Variants in TMEM154 observed in about 807,000 individuals in gnomAD.
TMEM154 encodes the protein transmembrane protein 154.
Under a neutral mutation model 24.5 loss-of-function variants are expected in TMEM154, and 27 were observed. The ratio of observed to expected loss-of-function variants is 1.10; its 90% CI spans 0.81 to 1.52. The LOEUF is 1.52. TMEM154 is among the 40% of genes most tolerant of loss of function. TMEM154 has a pLI of 0.00. For missense variants in TMEM154, 228 were observed against 213.4 expected (o/e 1.07, Z -0.43); for synonymous variants, 67 against 76.8 (o/e 0.87, Z 0.67).
chr4:152,656,664 G>A (rs143295340), intron 1 of TMEM154, among the ~76,000 whole-genome samples: 278 of 152,292 alleles, frequency 1.8e-3, no homozygotes, highest in African/African-American at 6.5e-3. Context: ...GCTCATGCCT[G>A]TAATCCCAGC....
intron 6 of TMEM154, among the ~76,000 whole-genome samples, chr4:152,634,031 C>CAAAAAAAAAA (rs1167923301): frequency 2.9e-4 from 6 of 20,402 alleles, no homozygotes; most frequent in East Asian, 1.7e-3. Flanking sequence ...GACCCCATCT[C>CAAAAAAAAAA]AAAAAAAAAA....
chr4:152,630,395 A>T (rs1379716510), intron 6 of TMEM154, among the ~76,000 whole-genome samples: 1 of 152,042 alleles, frequency 6.6e-6, no homozygotes, highest in East Asian at 1.9e-4. Context: ...GTTTCATCTG[A>T]AGAGTAGATA....
At chr4:152,674,549 C>T (rs1412463442) in intron 1 of TMEM154, among the ~76,000 whole-genome samples, 1 of 152,170 alleles carries the variant, frequency 6.6e-6, no homozygotes, top group Non-Finnish European at 1.5e-5. Flanking sequence ...CAGCTTACCC[C>T]CTCATGGAGG....
At chr4:152,635,844 A>G (rs1387838317) in intron 6 of TMEM154, among the ~76,000 whole-genome samples, 1 of 152,212 alleles carries the variant, frequency 6.6e-6, no homozygotes, top group Non-Finnish European at 1.5e-5. Context: ...TTATAAATCC[A>G]CTTGAGCAGA....
At position 152,621,995 on chromosome 4, in the gene TMEM154, T is replaced by A. The variant is rs144833549; in HGVS notation, c.*6551A>T. On this transcript the variant is annotated 3_prime_UTR_variant, in exon 7 of 7. Coordinates refer to ENST00000304385, the MANE Select transcript of TMEM154 (RefSeq NM_152680.3). ...ACCATGCCTGGCTAATTTTTGTATTTTTAGTAGAGACAGGGTTTCACCATA... is the reference window on the plus strand; with the variant it reads ...ACCATGCCTGGCTAATTTTTGTATTATTAGTAGAGACAGGGTTTCACCATA... The A allele has an allele frequency of 6.6e-6, 1 of 152,264 alleles. No individual in the cohort carries two copies. The highest frequency in any genetic ancestry group is 1.9e-4 in the East Asian group (1 of 5,180). The allele number at this position is 152,264 out of a possible 1,614,324, so 9.4% of individuals were successfully genotyped here.
intron 6 of TMEM154, among the ~76,000 whole-genome samples, chr4:152,632,454 C>A (rs549020356): frequency 3.4e-4 from 52 of 152,268 alleles, no homozygotes; most frequent in African/African-American, 1.2e-3. Flanking sequence ...TCACTTTTTC[C>A]TTCTTTTAGA....
In TMEM154 at chr4:152,627,084, A is replaced by G. The variant is rs1751934493; in HGVS notation, c.*1462T>C. ...AGTGGTTAAACACAACCAGCTAGTT[A>G]TAGCTTTCATTGTATGGAAAGACCT... On this transcript the variant is annotated 3_prime_UTR_variant, in exon 7 of 7. Transcript: ENST00000304385. 6.6e-6 allele frequency: 1 copy of G among 152,240 alleles called. No individual in the cohort carries two copies. Among genetic ancestry groups the G allele is most frequent in the Non-Finnish European group, 1.5e-5 (1 of 68,046 alleles). The allele number at this position is 152,240 out of a possible 1,614,324, so 9.4% of individuals were successfully genotyped here.
At chr4:152,646,012 A>G (rs2149782027) in intron 3 of TMEM154, among the ~76,000 whole-genome samples, 1 of 152,116 alleles carries the variant, frequency 6.6e-6, no homozygotes, top group South Asian at 2.1e-4. Context: ...TATCTAAAAT[A>G]TAAAGGCTAT....
At chr4:152,649,796 A>G (rs1303831354) in intron 3 of TMEM154, among the ~76,000 whole-genome samples, 1 of 152,238 alleles carries the variant, frequency 6.6e-6, no homozygotes, top group Non-Finnish European at 1.5e-5. Context: ...GCAGCAGTAG[A>G]AAAGCATCCC....
chr4:152,641,729 AAC>A (rs1752259303), intron 5 of TMEM154, among the ~76,000 whole-genome samples: 1 of 150,122 alleles, frequency 6.7e-6, no homozygotes, highest in East Asian at 1.9e-4. Flanking sequence ...GCAACTGAAA[AAC>A]AACAAAACGA....
chr4:152,679,548 A>G (rs1298733220), intron 1 of TMEM154, among the ~76,000 whole-genome samples: 1 of 149,814 alleles, frequency 6.7e-6, no homozygotes, highest in Non-Finnish European at 1.5e-5. Context: ...TTTTTTTTAC[A>G]TAAACTGCCA....
intron 6 of TMEM154, among the ~76,000 whole-genome samples, chr4:152,637,363 T>C (rs1231117230): frequency 6.6e-6 from 1 of 152,092 alleles, no homozygotes; most frequent in African/African-American, 2.4e-5. Flanking sequence ...CTGACCAATG[T>C]GGTGAAACCC....
At chr4:152,628,849 G>C (rs1468673133) in intron 6 of TMEM154, among the ~76,000 whole-genome samples, 4 of 149,874 alleles carry the variant, frequency 2.7e-5, no homozygotes, top group Non-Finnish European at 4.4e-5. Context: ...GTTTCACCAT[G>C]TTAGCCAGGA....
chr4:152,629,701 G>A (rs1751996224), intron 6 of TMEM154, among the ~76,000 whole-genome samples: 1 of 152,152 alleles, frequency 6.6e-6, no homozygotes, highest in Admixed American at 6.5e-5. Flanking sequence ...CATAGATGTG[G>A]ATAGTCTGCA....
At chr4:152,641,127 T>C in intron 5 of TMEM154, 142 bp from the exon 6 acceptor site, 2 of 623,990 alleles carry the variant, frequency 3.2e-6, no homozygotes, top group Non-Finnish European at 5.3e-6. Flanking sequence ...GTGATAGTGA[T>C]GAAAAGATTA....
chr4:152,620,270 T>C lies in TMEM154; in HGVS notation c.*8276A>G. ...ATGTCAGCTCTAGTAAGTGGGAACT[T>C]TATTTTTTCACCTAGTGACCAAACC... On this transcript the variant is annotated 3_prime_UTR_variant, in exon 7 of 7. Transcript: ENST00000304385. 1 of 152,198 alleles carries C rather than the reference T, an allele frequency of 6.6e-6. No individual in the cohort carries two copies. The highest frequency in any genetic ancestry group is 1.9e-4 in the East Asian group (1 of 5,194). The allele number at this position is 152,198 out of a possible 1,614,324, so 9.4% of individuals were successfully genotyped here.
At chr4:152,672,097 A>G (rs1342433686) in intron 1 of TMEM154, among the ~76,000 whole-genome samples, 1 of 150,980 alleles carries the variant, frequency 6.6e-6, no homozygotes, top group African/African-American at 2.4e-5. Context: ...CTATAAAAAA[A>G]AAAAAAAAAA....
At chr4:152,664,278 A>G (rs1728672036) in intron 1 of TMEM154, among the ~76,000 whole-genome samples, 1 of 152,184 alleles carries the variant, frequency 6.6e-6, no homozygotes. Flanking sequence ...ACAGGAACAG[A>G]AAACCAAACA....
chr4:152,665,686 G>C (rs1309990220), intron 1 of TMEM154, among the ~76,000 whole-genome samples: 1 of 152,004 alleles, frequency 6.6e-6, no homozygotes, highest in Non-Finnish European at 1.5e-5. Context: ...TCAAACCTTA[G>C]TGTGTATTGG....
Sources: allele counts gnomAD v4.1 joint callset (sites outside exome capture counted in the v4.1 genomes callset), GRCh38; gene constraint gnomAD v4.1.1; transcripts MANE v1.5; gene names NCBI Gene and HGNC (gene_info 2026-07-23, HGNC 2026-07-21).